PRKCE: variants seen among roughly 807,000 people sequenced by gnomAD.
PRKCE encodes protein kinase C epsilon, also known as protein kinase C epsilon type.
In PRKCE, 16 loss-of-function variants were observed where a neutral mutation model predicts 85.4. The ratio of observed to expected loss-of-function variants is 0.19; its 90% CI spans 0.13 to 0.28. The LOEUF (loss-of-function observed/expected upper bound fraction) is 0.28. PRKCE is among the 10% of genes least tolerant of loss of function. The pLI is 1.00. For missense variants in PRKCE, 573 were observed against 975.2 expected (o/e 0.59, Z 5.49); for synonymous variants, 388 against 371.5 (o/e 1.04, Z -0.51).
intron 11 of PRKCE, among the ~76,000 whole-genome samples, chr2:46,133,563 C>T (rs72808766): frequency 6.6e-6 from 1 of 152,308 alleles, no homozygotes; most frequent in Non-Finnish European, 1.5e-5. Context: ...TGATTGTAAT[C>T]ATGCTGCCAA....
intron 1 of PRKCE, among the ~76,000 whole-genome samples, chr2:45,677,569 G>T (rs918322765): frequency 2.0e-5 from 3 of 152,088 alleles, no homozygotes; most frequent in Non-Finnish European, 4.4e-5. Context: ...TGTTAGCCAG[G>T]ATGGTCTCGA....
At chr2:46,093,100 G>A (rs746362072) in intron 11 of PRKCE, among the ~76,000 whole-genome samples, 5 of 152,110 alleles carry the variant, frequency 3.3e-5, no homozygotes, top group Non-Finnish European at 7.4e-5. Flanking sequence ...AGCTGTCAGC[G>A]TTACCCCATC....
At chr2:46,100,278 G>A (rs1671079483) in intron 11 of PRKCE, among the ~76,000 whole-genome samples, 1 of 152,122 alleles carries the variant, frequency 6.6e-6, no homozygotes. Flanking sequence ...GACTTCATTG[G>A]CTGGTGGTCC....
chr2:45,796,718 T>C (rs1192590422), intron 1 of PRKCE, among the ~76,000 whole-genome samples: 1 of 152,202 alleles, frequency 6.6e-6, no homozygotes, highest in Non-Finnish European at 1.5e-5. Context: ...TTAGCTATTG[T>C]GCATTTTTCC....
intron 10 of PRKCE, among the ~76,000 whole-genome samples, chr2:46,038,808 A>G (rs1429993317): frequency 6.6e-6 from 1 of 152,154 alleles, no homozygotes; most frequent in Non-Finnish European, 1.5e-5. Context: ...TACCAACTCC[A>G]AACAGAGGAA....
At chr2:46,033,361 T>A (rs571275296) in intron 10 of PRKCE, among the ~76,000 whole-genome samples, 57 of 152,310 alleles carry the variant, frequency 3.7e-4, no homozygotes, top group Non-Finnish European at 6.8e-4. Flanking sequence ...CCACACCCTG[T>A]CTTCTGATGG....
intron 13 of PRKCE, among the ~76,000 whole-genome samples, chr2:46,154,689 C>CCAA (rs1461111340): frequency 6.6e-6 from 1 of 151,898 alleles, no homozygotes; most frequent in African/African-American, 2.4e-5. Context: ...CCTCTTAGTG[C>CCAA]CAACATTTTC....
At chr2:46,026,460 A>G (rs556511296) in intron 10 of PRKCE, among the ~76,000 whole-genome samples, 1 of 152,330 alleles carries the variant, frequency 6.6e-6, no homozygotes, top group South Asian at 2.1e-4. Context: ...TTTTTGGAAG[A>G]TGGTATCATG....
At chr2:45,701,382 G>C (rs979865491) in intron 1 of PRKCE, 3 of 152,060 alleles carry the variant, frequency 2.0e-5, no homozygotes, top group African/African-American at 7.2e-5. Flanking sequence ...CAAATTTGCA[G>C]TCACCCTAGA....
chr2:45,950,669 AAAGGTTACTTC>A (rs1452898817), intron 2 of PRKCE, among the ~76,000 whole-genome samples: 1 of 152,100 alleles, frequency 6.6e-6, no homozygotes, highest in Non-Finnish European at 1.5e-5. Flanking sequence ...ATGGAGTGAA[AAAGGTTACTTC>A]AAGCACGCAG....
chr2:45,817,997 A>G (rs1689221538), intron 1 of PRKCE, among the ~76,000 whole-genome samples: 1 of 152,178 alleles, frequency 6.6e-6, no homozygotes, highest in South Asian at 2.1e-4. Flanking sequence ...TCAGCCCCGG[A>G]GCTGAGCAGA....
At chr2:45,882,462 G>A (rs1158466200) in intron 2 of PRKCE, among the ~76,000 whole-genome samples, 2 of 152,176 alleles carry the variant, frequency 1.3e-5, no homozygotes. Context: ...GTGGTACTGG[G>A]TCCTCCTCCA....
chr2:45,817,490 G>A (rs1429095927), intron 1 of PRKCE, among the ~76,000 whole-genome samples: 4 of 152,022 alleles, frequency 2.6e-5, no homozygotes, highest in South Asian at 2.1e-4. Flanking sequence ...TCAGGAGATC[G>A]AGACCATCCT....
At chr2:45,863,606 A>T (rs554940194) in intron 2 of PRKCE, among the ~76,000 whole-genome samples, 1 of 152,188 alleles carries the variant, frequency 6.6e-6, no homozygotes, top group African/African-American at 2.4e-5. Context: ...ATGTTTTAGT[A>T]GTAGAAATAG....
chr2:45,983,389 C>A (rs371779996), intron 5 of PRKCE, among the ~76,000 whole-genome samples: 1 of 152,164 alleles, frequency 6.6e-6, no homozygotes, highest in East Asian at 1.9e-4. Context: ...GTGATCTCCC[C>A]AGCCCATGGA....
At chr2:45,952,273 C>T (rs1700674270) in intron 2 of PRKCE, among the ~76,000 whole-genome samples, 2 of 152,168 alleles carry the variant, frequency 1.3e-5, no homozygotes, top group Non-Finnish European at 2.9e-5. Context: ...CAAAAGAGCC[C>T]AGGCCCCAAA....
chr2:45,803,078 T>C (rs1328720082), intron 1 of PRKCE, among the ~76,000 whole-genome samples: 1 of 152,224 alleles, frequency 6.6e-6, no homozygotes, highest in Non-Finnish European at 1.5e-5. Context: ...TGGCACTTGA[T>C]TTCTAAACAA....
intron 1 of PRKCE, among the ~76,000 whole-genome samples, chr2:45,805,596 C>CTTTTTTTTTTTTTTTTTTT: frequency 7.0e-6 from 1 of 142,606 alleles, no homozygotes; most frequent in Non-Finnish European, 1.5e-5. Flanking sequence ...TTACCTTCCT[C>CTTTTTTTTTTTTTTTTTTT]TTTTTTTTTT....
rs1558483096 is a variant in PRKCE, at chr2:46,127,439, G to GAAGT, written c.1593-17654_1593-17653insAAGT. 2.8e-4 allele frequency among the ~76,000 whole-genome samples: 43 copies of GAAGT among 152,196 alleles called. 1 individual carries two copies. The highest frequency in any genetic ancestry group is 3.7e-4 in the Non-Finnish European group (25 of 68,040). Reference sequence around the variant, plus strand: ...CAGCTTCCAGATGTTCACAGTCATGGCAATATTCATCCAGTAGCTAATTTT... The same window carrying GAAGT: ...CAGCTTCCAGATGTTCACAGTCATGGAAGTCAATATTCATCCAGTAGCTAATTTT... On this transcript the variant is annotated intron_variant, in intron 11 of 14. Transcript: ENST00000306156.
Sources: gnomAD v4.1 joint callset for allele counts (sites outside exome capture counted in the v4.1 genomes callset) on GRCh38, gnomAD v4.1.1 for gene constraint, MANE v1.5 for transcripts, NCBI Gene and HGNC (gene_info 2026-07-23, HGNC 2026-07-21) for gene names.